NALCN: variants seen among roughly 807,000 people sequenced by gnomAD.
NALCN encodes the protein sodium leak channel, non-selective, also known as sodium leak channel NALCN.
NALCN carries 111 observed loss-of-function variants against 225.3 expected under a neutral mutation model. The ratio of observed to expected loss-of-function variants is 0.49; its 90% CI spans 0.42 to 0.58. NALCN has a LOEUF of 0.58. Ranked by LOEUF, NALCN falls within the 20% of genes least tolerant of loss-of-function variation. The pLI is 0.00. For missense variants in NALCN, 1,378 were observed against 2,202.4 expected (o/e 0.63, Z 7.49); for synonymous variants, 764 against 769.0 (o/e 0.99, Z 0.11).
At chr13:101,411,211 TTTTTC>T in intron 1 of NALCN, among the ~76,000 whole-genome samples, 1 of 152,024 alleles carries the variant, frequency 6.6e-6, no homozygotes, top group African/African-American at 2.4e-5. Flanking sequence ...CTCTTTCTTT[TTTTTC>T]CTTTTTTTTT....
At chr13:101,307,747 C>T (rs1209537924) in intron 7 of NALCN, among the ~76,000 whole-genome samples, 1 of 152,124 alleles carries the variant, frequency 6.6e-6, no homozygotes, top group Non-Finnish European at 1.5e-5. Flanking sequence ...TGTGCTTTTG[C>T]TTGGGTTGAG....
At position 101,093,074 on chromosome 13, in the gene NALCN, G is replaced by A. The variant is rs141181836; in HGVS notation, c.3269+2500C>T. On this transcript the variant is annotated intron_variant, in intron 28 of 43. Transcript: ENST00000251127. ...CATTTATTATAAGCCTGAATACTTT[G>A]TTAGTTTTTCTCCCATGCATGCCAT... Among the ~76,000 whole-genome samples, 20 of 152,144 alleles carry A rather than the reference G, an allele frequency of 1.3e-4. No individual in the cohort carries two copies. The East Asian group carries it at 1.7e-3, about 13-fold the overall frequency.
At chr13:101,064,519 A>G (rs573986206) in intron 40 of NALCN, among the ~76,000 whole-genome samples, 1 of 152,126 alleles carries the variant, frequency 6.6e-6, no homozygotes, top group South Asian at 2.1e-4. Flanking sequence ...CTAATGTAAT[A>G]CGACAGATGT....
intron 10 of NALCN, among the ~76,000 whole-genome samples, chr13:101,262,941 C>T (rs193238047): frequency 2.0e-5 from 3 of 152,282 alleles, no homozygotes; most frequent in Admixed American, 1.3e-4. Context: ...ACAGTGATTA[C>T]ACTTACAAAT....
chr13:101,155,017 C>A (rs1232899164), intron 15 of NALCN, among the ~76,000 whole-genome samples: 1 of 152,128 alleles, frequency 6.6e-6, no homozygotes, highest in East Asian at 1.9e-4. Flanking sequence ...GAAAGCTACA[C>A]AGATGTACAT....
chr13:101,075,970 A>G, intron 34 of NALCN, 29 bp from the exon 35 acceptor site: 1 of 1,594,214 alleles, frequency 6.3e-7, no homozygotes, highest in Non-Finnish European at 8.6e-7. Context: ...ACAGCTTCTC[A>G]TAATTTGCAC....
In NALCN at chr13:101,104,393, T is replaced by G; in HGVS notation, c.2791A>C (p.Ile931Leu). The G allele has an allele frequency of 6.2e-7, 1 of 1,613,744 alleles. No individual in the cohort carries two copies. Among genetic ancestry groups the G allele is most frequent in the Non-Finnish European group, 8.5e-7 (1 of 1,179,786 alleles). The part of the protein sequence containing the change: ...AEYVFVIFMS[I>L]ELNLKIMADG... ...GCCATAATCTTCAGATTAAGCTCAA[T>G]GCTCATGAATATCACAAACACATAC... Residue 931 changes from isoleucine (I) to leucine (L), a missense_variant, in exon 25 of 44, where the codon ATT becomes CTT. This residue lies in a region of NALCN where 292 missense variants were observed against 409.5 expected (regional missense o/e 0.71). Transcript: ENST00000251127. The surrounding 1 kb of genome is among the most constrained non-coding windows in gnomAD (Gnocchi z 4.2).
chr13:101,406,104 C>T (rs1233458703), intron 1 of NALCN, among the ~76,000 whole-genome samples: 5 of 147,270 alleles, frequency 3.4e-5, no homozygotes, highest in Admixed American at 2.8e-4. Flanking sequence ...CGCTTGAGTC[C>T]AGGAGTTCGA....
chr13:101,171,557 C>A (rs780535371), intron 15 of NALCN, among the ~76,000 whole-genome samples: 1 of 151,950 alleles, frequency 6.6e-6, no homozygotes, highest in Admixed American at 6.6e-5. Flanking sequence ...GAAAAGATTA[C>A]GCTGCCCTAT....
intron 12 of NALCN, among the ~76,000 whole-genome samples, chr13:101,232,118 C>T (rs1290584456): frequency 2.0e-5 from 3 of 151,444 alleles, no homozygotes; most frequent in Admixed American, 6.6e-5. Context: ...ATGACACCGA[C>T]ACACCAACAG....
intron 14 of NALCN, among the ~76,000 whole-genome samples, chr13:101,188,765 AC>A (rs1405678521): frequency 1.6e-5 from 2 of 122,388 alleles, no homozygotes; most frequent in Non-Finnish European, 3.3e-5. Context: ...GCTCACTGCA[AC>A]CCCCACCTCC....
At chr13:101,159,724 T>C (rs1184138146) in intron 15 of NALCN, among the ~76,000 whole-genome samples, 2 of 152,028 alleles carry the variant, frequency 1.3e-5, no homozygotes, top group Admixed American at 1.3e-4. Context: ...TAAATGCCTA[T>C]GAGACCAGGG....
At chr13:101,072,073 C>A (rs1312233897) in intron 37 of NALCN, among the ~76,000 whole-genome samples, 1 of 151,974 alleles carries the variant, frequency 6.6e-6, no homozygotes, top group Non-Finnish European at 1.5e-5. Flanking sequence ...TGGTTCATGG[C>A]ACCCCTCAAA....
intron 7 of NALCN, among the ~76,000 whole-genome samples, chr13:101,316,545 T>C (rs1345676406): frequency 6.6e-6 from 1 of 152,222 alleles, no homozygotes; most frequent in African/African-American, 2.4e-5. Context: ...ACTGAAAATA[T>C]TATGTGAGGT....
chr13:101,180,701 C>T (rs1382785256), intron 14 of NALCN: 1 of 192,520 alleles, frequency 5.2e-6, no homozygotes, highest in Non-Finnish European at 1.1e-5. Context: ...CATGTGGGGC[C>T]CCCAGCAAGG....
At position 101,074,555 on chromosome 13, in the gene NALCN, A is replaced by C; in HGVS notation, c.4062T>G (p.Val1354=). ...CATATTTCACAGTACCAAATAAAAC[A>C]ACTCCAGCAAAAGCGTAACACAGCA... ...LLLLCYAFAG[V]VLFGTVKYGE... The change falls in exon 36 of 44, where the codon GTT becomes GTG. Residue 1354 remains valine (V), a synonymous_variant. Transcript: ENST00000251127. 2.5e-6 allele frequency: 4 copies of C among 1,613,638 alleles called. No homozygotes were observed. The highest frequency in any genetic ancestry group is 3.4e-6 in the Non-Finnish European group (4 of 1,179,930).
At chr13:101,407,852 T>C (rs1373964125) in intron 1 of NALCN, among the ~76,000 whole-genome samples, 3 of 152,374 alleles carry the variant, frequency 2.0e-5, no homozygotes, top group South Asian at 2.1e-4. Flanking sequence ...GTTTTATTTA[T>C]AATTTCTTTG....
At chr13:101,148,689 G>A (rs912232706) in intron 15 of NALCN, among the ~76,000 whole-genome samples, 1 of 152,214 alleles carries the variant, frequency 6.6e-6, no homozygotes, top group Non-Finnish European at 1.5e-5. Flanking sequence ...GGCTGGCATG[G>A]CACTGGACAC....
chr13:101,102,334 C>A (rs1278897900), intron 26 of NALCN, among the ~76,000 whole-genome samples: 2 of 151,972 alleles, frequency 1.3e-5, no homozygotes, highest in Non-Finnish European at 2.9e-5. Flanking sequence ...CTAGTAACAT[C>A]ACAATCTATC....
Sources: gnomAD v4.1 joint callset for allele counts (sites outside exome capture counted in the v4.1 genomes callset) on GRCh38, gnomAD v4.1.1 for gene constraint, gnomAD v4.1.1 regional missense constraint, Gnocchi (gnomAD v3.1) non-coding constraint, MANE v1.5 for transcripts, NCBI Gene and HGNC (gene_info 2026-07-23, HGNC 2026-07-21) for gene names.